The following HPSE variants were observed in gnomAD, a reference collection of about 807,000 sequenced individuals.
HPSE encodes the protein heparanase.
Under a neutral mutation model 65.1 loss-of-function variants are expected in HPSE, and 48 were observed. The observed-to-expected ratio is 0.74, with a 90% CI of 0.58 to 0.94. The LOEUF (loss-of-function observed/expected upper bound fraction) is 0.94. HPSE is among the 40% of genes least tolerant of loss of function. The pLI is 0.00. For missense variants in HPSE, 644 were observed against 637.5 expected, an observed-to-expected ratio of 1.01 and a Z score of -0.11; for synonymous variants, 243 against 260.0, an observed-to-expected ratio of 0.93 and a Z score of 0.63.
At chr4:83,315,203 C>T (rs182859366) in intron 3 of HPSE, among the ~76,000 whole-genome samples, 90 of 151,916 alleles carry the variant, frequency 5.9e-4, no homozygotes, top group African/African-American at 2.1e-3. Context: ...ATAAAGACCA[C>T]TAGGCAGAAA....
At position 83,324,118 on chromosome 4, in the gene HPSE, T is replaced by TC. The variant is rs201741942; in HGVS notation, c.228-1755_228-1754insG. ...TGCCAATACTTCTTCTTCTTCTTTT[T>TC]TTTTTTTTTTTTTTTTTTTTGAGAC... On this transcript the variant is annotated intron_variant, in intron 1 of 11. Coordinates refer to ENST00000311412, the MANE Select transcript of HPSE (RefSeq NM_001098540.3). Among the ~76,000 whole-genome samples, 41 of 132,762 alleles carry TC rather than the reference T, an allele frequency of 3.1e-4. 1 individual carries two copies. Among genetic ancestry groups the TC allele is most frequent in the African/African-American group, 1.2e-3 (39 of 33,386 alleles). 87.1% of individuals were successfully genotyped at this position (132,762 alleles called of 152,430 possible).
In HPSE at chr4:83,334,759, C is replaced by G; in HGVS notation, c.24G>C (p.Ala8=). Residue 8 remains alanine (A), a synonymous_variant, in exon 1 of 12, where the codon GCG becomes GCC. Transcript: ENST00000311412. Reference sequence around the variant, plus strand: ...GCAGCAGCATCAGCGGCGGCGGCAGCGCAGGCTTCGAGCGCAGCAGCATCT... The same window carrying G: ...GCAGCAGCATCAGCGGCGGCGGCAGGGCAGGCTTCGAGCGCAGCAGCATCT... MLLRSKP[A]LPPPLMLLLL... is the part of the protein sequence containing the mutation. 1 of 1,550,502 alleles carries G rather than the reference C, an allele frequency of 6.4e-7. No homozygotes were observed. Among genetic ancestry groups the G allele is most frequent in the Non-Finnish European group, 8.7e-7 (1 of 1,147,134 alleles).
At chr4:83,329,033 G>C (rs572041253) in intron 1 of HPSE, among the ~76,000 whole-genome samples, 1 of 152,324 alleles carries the variant, frequency 6.6e-6, no homozygotes, top group African/African-American at 2.4e-5. Flanking sequence ...TGCTAAGAAT[G>C]ATAAGGTGAA....
At position 83,333,055 on chromosome 4, in the gene HPSE, G is replaced by A. The variant is rs1049510858; in HGVS notation, c.227+1501C>T. Among the ~76,000 whole-genome samples, 12 of 151,968 alleles carry A rather than the reference G, an allele frequency of 7.9e-5. No individual in the cohort carries two copies. In the East Asian group the frequency reaches 9.7e-4, roughly 12 times the overall value. On this transcript the variant is annotated intron_variant, in intron 1 of 11. Coordinates refer to ENST00000311412, the MANE Select transcript of HPSE (RefSeq NM_001098540.3). ...CCTAGTATCAGCTTCCTATCCTTAA[G>A]GGGAAGGGCAGAAAGTAAGGATTCT...
chr4:83,306,123 G>GC, intron 9 of HPSE, 80 bp downstream of exon 9: 1 of 798,030 alleles, frequency 1.3e-6, no homozygotes. Flanking sequence ...AGGACTGACT[G>GC]TTCATAGGAG....
At chr4:83,302,035 T>C (rs920212617) in intron 10 of HPSE, 115 bp downstream of exon 10, 191 of 556,242 alleles carry the variant, frequency 3.4e-4, no homozygotes, top group Non-Finnish European at 5.6e-4. Context: ...CTTTACTAAA[T>C]TGCAACTGCC....
At chr4:83,334,458 G>T in intron 1 of HPSE, 98 bp downstream of exon 1, 1 of 1,343,670 alleles carries the variant, frequency 7.4e-7, no homozygotes, top group Non-Finnish European at 1.0e-6. Flanking sequence ...GTTCCGGTGT[G>T]AAGTTGTTTC....
rs1329045672 is a variant in HPSE, at chr4:83,310,031, T to C, written c.890A>G (p.His297Arg). Residue 297 changes from histidine (H) to arginine (R), a missense_variant and splice_region_variant, in exon 6 of 12, where the codon CAC (histidine) becomes CGC (arginine). Coordinates refer to ENST00000311412, the MANE Select transcript of HPSE (RefSeq NM_001098540.3). ...TATTAAGAATAGGAGACATACTTAC[T>C]GATGCCATGTAACTGAATCAATCAC... ...GEVIDSVTWH[H>R]YYLNGRTATK... is the part of the protein sequence containing the mutation. 1.2e-6 allele frequency: 2 copies of C among 1,607,630 alleles called. No individual in the cohort carries two copies. The highest frequency in any genetic ancestry group is 2.7e-5 in the African/African-American group (2 of 74,730).
intron 11 of HPSE, among the ~76,000 whole-genome samples, chr4:83,296,670 A>G (rs1735734081): frequency 1.3e-5 from 2 of 150,508 alleles, no homozygotes; most frequent in South Asian, 2.1e-4. Context: ...GATTCTGTCT[A>G]AAAAAAGAAA....
Position 83,293,604 on chromosome 4 carries a change from A to C in HPSE, c.*1740T>G, listed in dbSNP as rs1207310595. On this transcript the variant is annotated 3_prime_UTR_variant, in exon 12 of 12. Transcript: ENST00000311412. Reference sequence around the variant, plus strand: ...AGCCAAAAGCTTCCCAACTGAAACAAGGAAGAAAGGTAGAGAAAAAGCAAG... The same window carrying C: ...AGCCAAAAGCTTCCCAACTGAAACACGGAAGAAAGGTAGAGAAAAAGCAAG... 1 of 152,260 alleles carries C rather than the reference A, an allele frequency of 6.6e-6. No homozygotes were observed. Among genetic ancestry groups the C allele is most frequent in the Non-Finnish European group, 1.5e-5 (1 of 68,046 alleles). 9.4% of individuals were successfully genotyped at this position (152,260 alleles called of 1,614,324 possible). A position where few individuals can be genotyped will look rare whatever the true frequency, so the allele number is the denominator to read the frequency against.
intron 4 of HPSE, among the ~76,000 whole-genome samples, chr4:83,312,841 CAAAAAAAAAAAAAAAAA>C (rs1200808673): frequency 3.6e-4 from 4 of 10,982 alleles, no homozygotes; most frequent in Admixed American, 1.5e-3. Context: ...ACTAAAAATG[CAAAAAAAAAAAAAAAAA>C]AAAAAAAAAA....
chr4:83,319,565 C>T, intron 2 of HPSE, 96 bp from the exon 3 acceptor site: 2 of 1,275,500 alleles, frequency 1.6e-6, no homozygotes, highest in Non-Finnish European at 2.2e-6. Flanking sequence ...GTGACTAAAG[C>T]AGGATAATTA....
chr4:83,309,950 A>G, intron 6 of HPSE, 81 bp downstream of exon 6: 2 of 982,534 alleles, frequency 2.0e-6, no homozygotes, highest in East Asian at 2.5e-5. Context: ...TTGGCAGTTA[A>G]ATGAACTAAC....
At chr4:83,308,765 G>C in intron 8 of HPSE, 80 bp downstream of exon 8, 1 of 1,066,166 alleles carries the variant, frequency 9.4e-7, no homozygotes, top group Non-Finnish European at 1.4e-6. Flanking sequence ...CTGCTTTTTG[G>C]CTGGGGAGCT....
intron 3 of HPSE, among the ~76,000 whole-genome samples, chr4:83,316,925 G>C (rs182237526): frequency 3.0e-4 from 45 of 152,232 alleles, no homozygotes; most frequent in Non-Finnish European, 6.0e-4. Flanking sequence ...TTTTGAGACA[G>C]AGTCTCACTT....
At position 83,324,113 on chromosome 4, in the gene HPSE, C is replaced by CTTTTTTTTTTTTTTTTT. The variant is rs398051210; in HGVS notation, c.228-1766_228-1750dup. On this transcript the variant is annotated intron_variant, in intron 1 of 11. Coordinates refer to ENST00000311412, the MANE Select transcript of HPSE (RefSeq NM_001098540.3). The stretch of plus-strand genomic sequence containing the variant: ...CTGATTGCCAATACTTCTTCTTCTT[C>CTTTTTTTTTTTTTTTTT]TTTTTTTTTTTTTTTTTTTTTTTTT... Among the ~76,000 whole-genome samples, 24 of 74,754 alleles carry CTTTTTTTTTTTTTTTTT rather than the reference C, an allele frequency of 3.2e-4. 1 individual carries two copies. The highest frequency in any genetic ancestry group is 5.9e-4 in the Admixed American group (3 of 5,076). The allele number at this position is 74,754 out of a possible 152,430, so 49.0% of individuals were successfully genotyped here. A position where few individuals can be genotyped will look rare whatever the true frequency, so the allele number is the denominator to read the frequency against.
chr4:83,295,259 G>T lies in HPSE; in HGVS notation c.*85C>A, dbSNP rs936502837. Reference sequence around the variant, plus strand: ...AAGCACCCACTAGTTGCTTTGCAAGGTATCTGCTTCCTTTCCTATAACTTG... The same window carrying T: ...AAGCACCCACTAGTTGCTTTGCAAGTTATCTGCTTCCTTTCCTATAACTTG... On this transcript the variant is annotated 3_prime_UTR_variant, in exon 12 of 12. Coordinates refer to ENST00000311412, the MANE Select transcript of HPSE (RefSeq NM_001098540.3). 3 of 1,185,232 alleles carry T rather than the reference G, an allele frequency of 2.5e-6. No individual in the cohort carries two copies. Among genetic ancestry groups the T allele is most frequent in the Non-Finnish European group, 3.6e-6 (3 of 837,770 alleles). 73.4% of individuals were successfully genotyped at this position (1,185,232 alleles called of 1,614,324 possible). A position where few individuals can be genotyped will look rare whatever the true frequency, so the allele number is the denominator to read the frequency against.
chr4:83,324,181 G>T (rs1737045973), intron 1 of HPSE, among the ~76,000 whole-genome samples: 1 of 137,500 alleles, frequency 7.3e-6, no homozygotes, highest in African/African-American at 2.8e-5. Context: ...GAGTACGATG[G>T]CGTGATCTCA....
At chr4:83,316,346 A>AAAC (rs1379155939) in intron 3 of HPSE, among the ~76,000 whole-genome samples, 2 of 76,724 alleles carry the variant, frequency 2.6e-5, no homozygotes, top group African/African-American at 7.7e-5. Context: ...TTAAAAAAAA[A>AAAC]AAACAAAAAA....
Sources: allele counts gnomAD v4.1 joint callset (sites outside exome capture counted in the v4.1 genomes callset), GRCh38; gene constraint gnomAD v4.1.1; transcripts MANE v1.5; gene names NCBI Gene and HGNC (gene_info 2026-07-23, HGNC 2026-07-21).